The following ZSCAN25 variants were observed in gnomAD, a reference collection of about 807,000 sequenced individuals.
ZSCAN25 encodes the protein zinc finger and SCAN domain-containing protein 25.
ZSCAN25 carries 27 observed loss-of-function variants against 38.7 expected under a neutral mutation model. The ratio of observed to expected loss-of-function variants is 0.70; its 90% CI spans 0.51 to 0.96. The LOEUF (loss-of-function observed/expected upper bound fraction) is 0.96, where lower values mean the gene tolerates loss of function less well. Among genes scored for constraint, ZSCAN25 ranks in the 40% least tolerant of loss-of-function variants. The probability of loss-of-function intolerance (pLI) is 0.00; values close to 1 mark genes in which losing one functional copy is unlikely to be tolerated. For missense variants in ZSCAN25, 637 were observed against 705.9 expected (o/e 0.90, Z 1.11); for synonymous variants, 273 against 277.7 (o/e 0.98, Z 0.17).
chr7:99,703,614 A>G, the ZSCAN25 span, among the ~76,000 whole-genome samples: 5 of 152,178 alleles, frequency 3.3e-5, no homozygotes, highest in African/African-American at 4.8e-5. Flanking sequence ...ATCTAATTTC[A>G]TAGGATTCAT....
intron 4 of ZSCAN25, 152 bp downstream of exon 4, chr7:99,620,145 G>A: frequency 1.0e-5 from 12 of 1,164,358 alleles, no homozygotes; most frequent in Non-Finnish European, 1.2e-5. Flanking sequence ...GGAGAGCAGT[G>A]GCGTTTTCAG....
At chr7:99,712,227 G>C in the ZSCAN25 span, among the ~76,000 whole-genome samples, 1 of 152,246 alleles carries the variant, frequency 6.6e-6, no homozygotes, top group African/African-American at 2.4e-5. Flanking sequence ...AAACCAATAC[G>C]AAAGGAGTGT....
chr7:99,690,717 G>C, the ZSCAN25 span, among the ~76,000 whole-genome samples: 1 of 152,084 alleles, frequency 6.6e-6, no homozygotes, highest in African/African-American at 2.4e-5. Flanking sequence ...GGCCATCAGA[G>C]AAATGCAAAT....
the ZSCAN25 span, among the ~76,000 whole-genome samples, chr7:99,728,852 T>C: frequency 6.6e-6 from 1 of 152,176 alleles, no homozygotes; most frequent in African/African-American, 2.4e-5. Flanking sequence ...TTCTAATGAC[T>C]TTTCTGCTAG....
chr7:99,735,145 G>T, the ZSCAN25 span: 3 of 1,608,630 alleles, frequency 1.9e-6, no homozygotes, highest in Admixed American at 3.4e-5. Context: ...TCAGCAGCGT[G>T]CTGCTGTTTG....
At chr7:99,666,637 C>T in the ZSCAN25 span, 17 of 1,613,846 alleles carry the variant, frequency 1.1e-5, no homozygotes, top group East Asian at 1.3e-4. Flanking sequence ...CTCTGCTTCC[C>T]GCCTCAAGTT....
At chr7:99,655,622 A>T in the ZSCAN25 span, among the ~76,000 whole-genome samples, 2 of 152,236 alleles carry the variant, frequency 1.3e-5, no homozygotes, top group African/African-American at 2.4e-5. Flanking sequence ...GAAGAAAGTC[A>T]TTGGTAGCTT....
the ZSCAN25 span, among the ~76,000 whole-genome samples, chr7:99,716,328 C>T: frequency 6.6e-6 from 1 of 152,166 alleles, no homozygotes; most frequent in Non-Finnish European, 1.5e-5. Flanking sequence ...ACTCTATGCC[C>T]AGAGCCGATT....
chr7:99,660,490 T>C, the ZSCAN25 span: 1 of 1,605,050 alleles, frequency 6.2e-7, no homozygotes, highest in Admixed American at 1.7e-5. Context: ...CCAGGGGTCA[T>C]CCCCTCACCT....
chr7:99,691,801 G>A, the ZSCAN25 span, among the ~76,000 whole-genome samples: 13 of 152,172 alleles, frequency 8.5e-5, no homozygotes, highest in African/African-American at 3.1e-4. Flanking sequence ...TGCATGTGAG[G>A]TGGGTCTCCT....
chr7:99,631,866 A>T lies in ZSCAN25; in HGVS notation c.*1846A>T, dbSNP rs1562974063. Reference sequence around the variant, plus strand: ...ACGGGGCTGCTGCTGCTCCTCTGTAATACTGAGGTCCACATGCAAAATCAG... The same window carrying T: ...ACGGGGCTGCTGCTGCTCCTCTGTATTACTGAGGTCCACATGCAAAATCAG... On this transcript the variant is annotated 3_prime_UTR_variant, in exon 8 of 8. Transcript: ENST00000394152. 7.1e-6 allele frequency: 7 copies of T among 985,322 alleles called. No individual in the cohort carries two copies. Among genetic ancestry groups the T allele is most frequent in the Non-Finnish European group, 8.4e-6 (7 of 829,982 alleles). The allele number at this position is 985,322 out of a possible 1,614,324, so 61.0% of individuals were successfully genotyped here.
At chr7:99,698,266 C>G in the ZSCAN25 span, among the ~76,000 whole-genome samples, 3 of 152,188 alleles carry the variant, frequency 2.0e-5, no homozygotes, top group Admixed American at 6.5e-5. Flanking sequence ...GTAGTGACCG[C>G]CCCACAACAT....
the ZSCAN25 span, among the ~76,000 whole-genome samples, chr7:99,687,816 T>C: frequency 1.3e-5 from 2 of 152,172 alleles, no homozygotes; most frequent in Admixed American, 6.5e-5. Flanking sequence ...GACTAACAGC[T>C]GATCTCTTGG....
At chr7:99,737,967 GA>G in the ZSCAN25 span, among the ~76,000 whole-genome samples, 1 of 152,148 alleles carries the variant, frequency 6.6e-6, no homozygotes, top group African/African-American at 2.4e-5. Flanking sequence ...TGCATTGGAA[GA>G]ACACCCAAGC....
At chr7:99,730,694 A>G in the ZSCAN25 span, 2 of 241,268 alleles carry the variant, frequency 8.3e-6, no homozygotes, top group African/African-American at 4.5e-5. Flanking sequence ...AACAAGCCAC[A>G]ATCAGGGGCT....
chr7:99,674,305 G>A, the ZSCAN25 span: 3,116 of 406,144 alleles, frequency 7.7e-3, 79 homozygotes, highest in African/African-American at 0.056. Flanking sequence ...GAGCATCTTT[G>A]TCTTGTTTAC....
chr7:99,706,001 C>A, the ZSCAN25 span, among the ~76,000 whole-genome samples: 1 of 152,124 alleles, frequency 6.6e-6, no homozygotes, highest in East Asian at 1.9e-4. Context: ...GCAAGGTAAT[C>A]CTGAGTAGCT....
the ZSCAN25 span, among the ~76,000 whole-genome samples, chr7:99,680,644 G>A: frequency 1.3e-5 from 2 of 152,106 alleles, no homozygotes. Context: ...AGTTGTCTTG[G>A]GTGAGATTGC....
At chr7:99,704,434 G>T in the ZSCAN25 span, among the ~76,000 whole-genome samples, 2 of 151,938 alleles carry the variant, frequency 1.3e-5, no homozygotes, top group African/African-American at 4.8e-5. Flanking sequence ...GAGATTACAG[G>T]CGTGTGCCAC....
Sources: gnomAD v4.1 joint callset for allele counts (sites outside exome capture counted in the v4.1 genomes callset) on GRCh38, gnomAD v4.1.1 for gene constraint, MANE v1.5 for transcripts, NCBI Gene and HGNC (gene_info 2026-07-23, HGNC 2026-07-21) for gene names.